BCKDHB: variants seen among roughly 807,000 people sequenced by gnomAD.
BCKDHB encodes the protein 2-oxoisovalerate dehydrogenase subunit beta, mitochondrial.
BCKDHB carries 41 observed loss-of-function variants against 48.5 expected under a neutral mutation model. The ratio of observed to expected loss-of-function variants is 0.85; its 90% confidence interval spans 0.66 to 1.10. The LOEUF (loss-of-function observed/expected upper bound fraction) is 1.10. Among genes scored for constraint, BCKDHB ranks in the 50% least tolerant of loss-of-function variants. The pLI is 0.00. For synonymous variants in BCKDHB, 201 were observed against 174.8 expected, an observed-to-expected ratio of 1.15 and a Z score of -1.18; for missense variants, 496 against 494.2, an observed-to-expected ratio of 1.00 and a Z score of -0.03.
At chr6:80,128,797 GA>G (rs1289093853) in intron 2 of BCKDHB, among the ~76,000 whole-genome samples, 1 of 152,032 alleles carries the variant, frequency 6.6e-6, no homozygotes, top group African/African-American at 2.4e-5. Context: ...CTCAACTGGG[GA>G]TGATCTTAGT....
At chr6:80,159,346 T>A (rs1192387013) in intron 3 of BCKDHB, among the ~76,000 whole-genome samples, 2 of 151,648 alleles carry the variant, frequency 1.3e-5, no homozygotes, top group Non-Finnish European at 2.9e-5. Flanking sequence ...GAGACTAGAT[T>A]AAAAAAAAAT....
chr6:80,347,476 G>A (rs923220669), downstream of BCKDHB, among the ~76,000 whole-genome samples: 2 of 152,142 alleles, frequency 1.3e-5, no homozygotes, highest in Non-Finnish European at 2.9e-5. Flanking sequence ...GGACATGTGC[G>A]GTGGTCTGCC....
chr6:80,411,530 T>C, the BCKDHB span, among the ~76,000 whole-genome samples: 2 of 152,228 alleles, frequency 1.3e-5, no homozygotes, highest in Non-Finnish European at 2.9e-5. Context: ...TCTGCAGAAG[T>C]AGTCTGCTGG....
At chr6:80,374,057 G>T in the BCKDHB span, 1 of 676,860 alleles carries the variant, frequency 1.5e-6, no homozygotes, top group Non-Finnish European at 2.8e-6. Context: ...GTTTCTTCTG[G>T]GATATCTTTT....
intron 8 of BCKDHB, among the ~76,000 whole-genome samples, chr6:80,250,873 G>C (rs1180913808): frequency 6.6e-6 from 1 of 152,114 alleles, no homozygotes; most frequent in Non-Finnish European, 1.5e-5. Flanking sequence ...AGTCCACTTA[G>C]GGTTATGAAG....
At chr6:80,194,063 T>C (rs1487883986) in intron 6 of BCKDHB, among the ~76,000 whole-genome samples, 1 of 152,172 alleles carries the variant, frequency 6.6e-6, no homozygotes, top group Admixed American at 6.5e-5. Flanking sequence ...GAAGTATCAA[T>C]GTATAGTGTC....
the BCKDHB span, among the ~76,000 whole-genome samples, chr6:80,387,628 C>G: frequency 6.6e-6 from 1 of 152,228 alleles, no homozygotes; most frequent in Non-Finnish European, 1.5e-5. Context: ...CCCCTGTTAC[C>G]TGGTATGCAG....
intron 3 of BCKDHB, among the ~76,000 whole-genome samples, chr6:80,143,296 A>T (rs1330354304): frequency 1.3e-5 from 2 of 152,180 alleles, no homozygotes; most frequent in Non-Finnish European, 2.9e-5. Context: ...GGAAGTTTGA[A>T]TCTAAATGTG....
At chr6:80,393,471 T>C in the BCKDHB span, among the ~76,000 whole-genome samples, 1 of 152,138 alleles carries the variant, frequency 6.6e-6, no homozygotes, top group Non-Finnish European at 1.5e-5. Context: ...CATGTGAGCA[T>C]ACAGCAAGAA....
In BCKDHB at chr6:80,169,667, A is replaced by G. The variant is rs1236987967; in HGVS notation, c.633+637A>G. 3 of 606,232 alleles carry G rather than the reference A, an allele frequency of 4.9e-6. No individual in the cohort carries two copies. The African/African-American group carries it at 5.8e-5, about 12-fold the overall frequency. The allele number at this position is 606,232 out of a possible 1,614,324, so 37.6% of individuals were successfully genotyped here. On this transcript the variant is annotated intron_variant, in intron 5 of 9. Transcript: ENST00000320393. Reference sequence around the variant, plus strand: ...TGTATTATCTTTTCTGTTTCTGTTTACTGAATAAGCTTTTCAGGGGATCAT... The same window carrying G: ...TGTATTATCTTTTCTGTTTCTGTTTGCTGAATAAGCTTTTCAGGGGATCAT...
the BCKDHB span, among the ~76,000 whole-genome samples, chr6:80,363,784 C>T: frequency 1.3e-5 from 2 of 152,152 alleles, no homozygotes; most frequent in African/African-American, 4.8e-5. Context: ...ATAGACTTAA[C>T]TCACTAAAAG....
the BCKDHB span, among the ~76,000 whole-genome samples, chr6:80,400,544 G>A: frequency 3.9e-5 from 6 of 152,032 alleles, no homozygotes; most frequent in Non-Finnish European, 8.8e-5. Flanking sequence ...TAGTCAGAAT[G>A]GCTATTAGTA....
At chr6:80,237,641 G>A (rs1452084605) in intron 8 of BCKDHB, among the ~76,000 whole-genome samples, 4 of 152,166 alleles carry the variant, frequency 2.6e-5, no homozygotes, top group African/African-American at 9.7e-5. Context: ...TAGATGAGAG[G>A]TTCAGAAGTG....
chr6:80,350,779 A>C (rs146824244), downstream of BCKDHB, among the ~76,000 whole-genome samples: 1,093 of 152,282 alleles, frequency 7.2e-3, 14 homozygotes, highest in South Asian at 0.029. Flanking sequence ...TGTTTTCTTG[A>C]TCATTTGGAA....
At chr6:80,126,548 G>A (rs551619627) in intron 1 of BCKDHB, among the ~76,000 whole-genome samples, 13 of 152,252 alleles carry the variant, frequency 8.5e-5, no homozygotes, top group East Asian at 5.8e-4. Flanking sequence ...AACAGGTATC[G>A]AAATGATTTG....
At chr6:80,132,093 G>A (rs1770658330) in intron 3 of BCKDHB, among the ~76,000 whole-genome samples, 1 of 151,870 alleles carries the variant, frequency 6.6e-6, no homozygotes, top group African/African-American at 2.4e-5. Context: ...TGAGTTACTG[G>A]TTGTTTCTCT....
the BCKDHB span, among the ~76,000 whole-genome samples, chr6:80,418,666 A>T: frequency 6.6e-6 from 1 of 152,132 alleles, no homozygotes; most frequent in Non-Finnish European, 1.5e-5. Context: ...TATGCTGGGG[A>T]AAGGCCCAAA....
chr6:80,286,808 A>AT (rs1218001765), intron 9 of BCKDHB, among the ~76,000 whole-genome samples: 12 of 152,158 alleles, frequency 7.9e-5, no homozygotes, highest in Middle Eastern at 6.8e-3. Flanking sequence ...GTAAAAGTTT[A>AT]TTTTTTTGTG....
At chr6:80,137,660 A>G (rs1770955116) in intron 3 of BCKDHB, among the ~76,000 whole-genome samples, 1 of 152,124 alleles carries the variant, frequency 6.6e-6, no homozygotes, top group African/African-American at 2.4e-5. Flanking sequence ...GATTTTGGCA[A>G]TGTCTAGAGA....
Sources: gnomAD v4.1 joint callset for allele counts (sites outside exome capture counted in the v4.1 genomes callset) on GRCh38, gnomAD v4.1.1 for gene constraint, MANE v1.5 for transcripts, NCBI Gene and HGNC (gene_info 2026-07-23, HGNC 2026-07-21) for gene names.